The following AP3S1 variants were observed in gnomAD, a reference collection of about 807,000 sequenced individuals.
The protein encoded by AP3S1 is AP-3 complex subunit sigma-1.
In AP3S1, 12 loss-of-function variants were observed where a neutral mutation model predicts 21.3. That is an observed-to-expected ratio of 0.56 (90% CI 0.36 to 0.91). The LOEUF (loss-of-function observed/expected upper bound fraction) is 0.91. Among genes scored for constraint, AP3S1 ranks in the 40% least tolerant of loss-of-function variants. AP3S1 has a pLI of 0.01. For missense variants in AP3S1, 116 were observed against 225.0 expected (o/e 0.52, Z 3.10); for synonymous variants, 48 against 78.4 (o/e 0.61, Z 2.05).
At chr5:115,891,676 G>A (rs1294984718) in intron 3 of AP3S1, among the ~76,000 whole-genome samples, 1 of 152,154 alleles carries the variant, frequency 6.6e-6, no homozygotes, top group Admixed American at 6.5e-5. Context: ...AGTCCGTACT[G>A]GGGCACTGCC....
chr5:115,893,409 G>C (rs1298586580), intron 3 of AP3S1, among the ~76,000 whole-genome samples: 1 of 152,126 alleles, frequency 6.6e-6, no homozygotes. Flanking sequence ...GCATGAAAAC[G>C]TTATTTCACA....
chr5:115,885,659 A>G (rs1749715850), intron 3 of AP3S1, among the ~76,000 whole-genome samples: 1 of 152,218 alleles, frequency 6.6e-6, no homozygotes, highest in Non-Finnish European at 1.5e-5. Context: ...TCCTCTGGCA[A>G]CACCCTCAAA....
In AP3S1 at chr5:115,897,159, T is replaced by A. The variant is rs1157234205; in HGVS notation, c.345+2001T>A. 2.0e-4 allele frequency among the ~76,000 whole-genome samples: 31 copies of A among 152,312 alleles called. No individual in the cohort carries two copies. The East Asian group carries it at 5.6e-3, about 27-fold the overall frequency. ...TAGTGTTAACATTTTAGAATATGTA[T>A]AGTACTTGATTTTACATCTTTAAAA... On this transcript the variant is annotated intron_variant, in intron 4 of 5. Coordinates refer to ENST00000316788, the MANE Select transcript of AP3S1 (RefSeq NM_001284.4).
At chr5:115,906,440 C>CA (rs1751659027) in intron 5 of AP3S1, among the ~76,000 whole-genome samples, 1 of 152,072 alleles carries the variant, frequency 6.6e-6, no homozygotes, top group African/African-American at 2.4e-5. Flanking sequence ...AATACCTAGA[C>CA]AGGTGGAAGC....
intron 1 of AP3S1, among the ~76,000 whole-genome samples, chr5:115,856,324 T>C (rs1422622622): frequency 6.6e-6 from 1 of 152,220 alleles, no homozygotes; most frequent in East Asian, 1.9e-4. Context: ...TTTTTCTTCA[T>C]TTTTAATTGA....
intron 3 of AP3S1, among the ~76,000 whole-genome samples, chr5:115,872,396 G>C (rs181941576): frequency 1.6e-4 from 24 of 152,294 alleles, no homozygotes; most frequent in Middle Eastern, 3.4e-3. Context: ...CTGGGTTTTT[G>C]GGAGGAGCTG....
At chr5:115,849,969 CT>C (rs1329454315) in intron 1 of AP3S1, among the ~76,000 whole-genome samples, 4 of 152,236 alleles carry the variant, frequency 2.6e-5, no homozygotes, top group East Asian at 3.9e-4. Context: ...TCAATGAGAC[CT>C]GTGATCAAGC....
chr5:115,851,700 T>A (rs1346827132), intron 1 of AP3S1, among the ~76,000 whole-genome samples: 1 of 152,172 alleles, frequency 6.6e-6, no homozygotes, highest in Non-Finnish European at 1.5e-5. Context: ...GTTTTAAAAA[T>A]ATATTCTAGA....
chr5:115,912,912 A>T (rs933894628), intron 5 of AP3S1, among the ~76,000 whole-genome samples: 4 of 152,122 alleles, frequency 2.6e-5, no homozygotes, highest in African/African-American at 9.6e-5. Flanking sequence ...AACAAGCACA[A>T]TCTATTACTT....
intron 3 of AP3S1, among the ~76,000 whole-genome samples, chr5:115,870,932 A>G (rs1748179692): frequency 6.6e-6 from 1 of 152,238 alleles, no homozygotes; most frequent in Non-Finnish European, 1.5e-5. Context: ...AGCTAAAGTG[A>G]CAGCATTTGC....
chr5:115,854,759 A>G (rs1762678266), intron 1 of AP3S1, among the ~76,000 whole-genome samples: 1 of 149,836 alleles, frequency 6.7e-6, no homozygotes. Context: ...TCCACATTTT[A>G]CTTCTGCCCT....
Position 115,913,709 on chromosome 5 carries a change from T to G in AP3S1, c.*219T>G, listed in dbSNP as rs527348474. 87 of 782,020 alleles carry G rather than the reference T, an allele frequency of 1.1e-4. No homozygotes were observed. In the African/African-American group the frequency reaches 1.3e-3, roughly 12 times the overall value. 48.4% of individuals were successfully genotyped at this position (782,020 alleles called of 1,614,324 possible). A position where few individuals can be genotyped will look rare whatever the true frequency, so the allele number is the denominator to read the frequency against. ...AAATTGAGTAGTTCCTATGTGATTTTTTTTTTTCTTTTCTAAACTGCATTC... is the reference window on the plus strand; with the variant it reads ...AAATTGAGTAGTTCCTATGTGATTTGTTTTTTTCTTTTCTAAACTGCATTC... On this transcript the variant is annotated 3_prime_UTR_variant, in exon 6 of 6. Coordinates refer to ENST00000316788, the MANE Select transcript of AP3S1 (RefSeq NM_001284.4).
chr5:115,861,345 G>C (rs1763165817), intron 1 of AP3S1, among the ~76,000 whole-genome samples: 1 of 152,104 alleles, frequency 6.6e-6, no homozygotes, highest in Admixed American at 6.6e-5. Flanking sequence ...AGAAAGAGAT[G>C]ATGAAACTTC....
intron 2 of AP3S1, among the ~76,000 whole-genome samples, chr5:115,868,345 T>C (rs1747880917): frequency 6.6e-6 from 1 of 152,170 alleles, no homozygotes; most frequent in African/African-American, 2.4e-5. Flanking sequence ...TTTGTGTTCT[T>C]TTTGCCTCTT....
chr5:115,882,185 C>A (rs1355234072), intron 3 of AP3S1, among the ~76,000 whole-genome samples: 1 of 152,102 alleles, frequency 6.6e-6, no homozygotes, highest in Non-Finnish European at 1.5e-5. Context: ...TACCCACCAT[C>A]TGAAGCCTAC....
chr5:115,910,301 G>A (rs1224979669), intron 5 of AP3S1, among the ~76,000 whole-genome samples: 1 of 151,160 alleles, frequency 6.6e-6, no homozygotes, highest in Admixed American at 6.6e-5. Flanking sequence ...ATGTGATTGA[G>A]GCCTTTCTCT....
intron 1 of AP3S1, among the ~76,000 whole-genome samples, chr5:115,864,008 A>T (rs1258732918): frequency 6.6e-6 from 1 of 152,236 alleles, no homozygotes; most frequent in East Asian, 1.9e-4. Flanking sequence ...TTCTGGAAAA[A>T]GAAAAAAATC....
chr5:115,868,970 G>C (rs1453657050), intron 2 of AP3S1, among the ~76,000 whole-genome samples: 24 of 123,558 alleles, frequency 1.9e-4, no homozygotes, highest in African/African-American at 6.4e-4. Flanking sequence ...AGGGAGGGAG[G>C]GAGGGAGGGA....
At chr5:115,855,578 G>A (rs1042082976) in intron 1 of AP3S1, among the ~76,000 whole-genome samples, 1 of 152,156 alleles carries the variant, frequency 6.6e-6, no homozygotes, top group African/African-American at 2.4e-5. Context: ...GGCTTCAGGT[G>A]ATCCTCCCAC....
Sources: gnomAD v4.1 joint callset for allele counts (sites outside exome capture counted in the v4.1 genomes callset) on GRCh38, gnomAD v4.1.1 for gene constraint, MANE v1.5 for transcripts, NCBI Gene and HGNC (gene_info 2026-07-23, HGNC 2026-07-21) for gene names.